Variants in MESD observed in about 807,000 individuals in gnomAD.
MESD encodes LRP chaperone MESD.
In MESD, 7 loss-of-function variants were observed where a neutral mutation model predicts 12.9. The observed-to-expected ratio is 0.54, with a 90% CI of 0.31 to 1.02. The LOEUF (loss-of-function observed/expected upper bound fraction) is 1.02, where lower values mean the gene tolerates loss of function less well. MESD is among the 50% of genes least tolerant of loss of function. MESD has a pLI of 0.05. For synonymous variants in MESD, 126 were observed against 115.6 expected (o/e 1.09, Z -0.58); for missense variants, 342 against 296.7 (o/e 1.15, Z -1.12).
chr15:80,974,095 G>C (rs1902352594), downstream of MESD, among the ~76,000 whole-genome samples: 1 of 152,112 alleles, frequency 6.6e-6, no homozygotes, highest in African/African-American at 2.4e-5. Context: ...CCCTAGTCTA[G>C]GACACTCAGG....
At chr15:80,952,477 A>G (rs1045042638) in intron 3 of MESD, among the ~76,000 whole-genome samples, 4 of 152,342 alleles carry the variant, frequency 2.6e-5, no homozygotes, top group Non-Finnish European at 5.9e-5. Flanking sequence ...CAAGTGCTCA[A>G]TGGCTATGTG....
chr15:80,972,932 G>A (rs1482908782), downstream of MESD, among the ~76,000 whole-genome samples: 1 of 152,172 alleles, frequency 6.6e-6, no homozygotes, highest in African/African-American at 2.4e-5. Context: ...TGAGGCAGGA[G>A]AATCACTTGA....
chr15:80,978,108 A>C lies in MESD; in HGVS notation c.*1111T>G, dbSNP rs931804730. 6.6e-6 allele frequency: 1 copy of C among 152,216 alleles called. No individual in the cohort carries two copies. The highest frequency in any genetic ancestry group is 1.5e-5 in the Non-Finnish European group (1 of 68,046). 9.4% of individuals were successfully genotyped at this position (152,216 alleles called of 1,614,324 possible). A position where few individuals can be genotyped will look rare whatever the true frequency, so the allele number is the denominator to read the frequency against. On this transcript the variant is annotated 3_prime_UTR_variant, in exon 3 of 3. Coordinates refer to ENST00000261758, the MANE Select transcript of MESD (RefSeq NM_015154.3). ...GGGGATGTGGGGGCACAAATTGTTA[A>C]CAGCAGCTTCCACTGGGACAAGCTA...
intron 3 of MESD, among the ~76,000 whole-genome samples, chr15:80,958,309 T>C (rs144743963): frequency 8.0e-4 from 122 of 152,162 alleles, no homozygotes; most frequent in African/African-American, 2.7e-3. Flanking sequence ...AAAAGATTGG[T>C]CCCAGGCATT....
intron 3 of MESD, among the ~76,000 whole-genome samples, chr15:80,961,732 G>T (rs780636404): frequency 6.6e-6 from 1 of 152,112 alleles, no homozygotes; most frequent in South Asian, 2.1e-4. Flanking sequence ...GTCAGATATT[G>T]GCTAAATATA....
At chr15:80,984,656 C>T (rs548685124) in intron 1 of MESD, among the ~76,000 whole-genome samples, 2 of 152,138 alleles carry the variant, frequency 1.3e-5, no homozygotes, top group African/African-American at 4.8e-5. Flanking sequence ...TAAAAATGTT[C>T]TAAAATTGAG....
chr15:80,982,212 T>A, intron 1 of MESD, 30 bp from the exon 2 acceptor site: 4 of 1,584,826 alleles, frequency 2.5e-6, no homozygotes, highest in Non-Finnish European at 3.5e-6. Context: ...GCATCAAACC[T>A]ATCATCAGAA....
intron 1 of MESD, among the ~76,000 whole-genome samples, chr15:80,987,906 C>T (rs1902777639): frequency 6.6e-6 from 1 of 152,158 alleles, no homozygotes; most frequent in Non-Finnish European, 1.5e-5. Flanking sequence ...GGGAGGACTG[C>T]AAAGGCCAAG....
chr15:80,988,128 A>AGT (rs1902784015), intron 1 of MESD, among the ~76,000 whole-genome samples: 1 of 152,204 alleles, frequency 6.6e-6, no homozygotes, highest in African/African-American at 2.4e-5. Flanking sequence ...TACAGGTAAA[A>AGT]CAGTTCAAAG....
At chr15:80,955,616 C>CGT (rs536028552) in intron 3 of MESD, among the ~76,000 whole-genome samples, 20,934 of 144,828 alleles carry the variant, frequency 0.14, 1,521 homozygotes, top group African/African-American at 0.2. Flanking sequence ...TGTGTTTGTG[C>CGT]GTGTGTGTGT....
chr15:80,967,729 G>C (rs574393172), intron 3 of MESD, among the ~76,000 whole-genome samples: 7 of 152,342 alleles, frequency 4.6e-5, no homozygotes, highest in African/African-American at 1.7e-4. Flanking sequence ...TTGGCTGAGA[G>C]CTGCCAAGTC....
downstream of MESD, among the ~76,000 whole-genome samples, chr15:80,975,555 A>G (rs747059224): frequency 1.3e-5 from 2 of 152,150 alleles, no homozygotes; most frequent in Non-Finnish European, 2.9e-5. Flanking sequence ...AATCAGGGAC[A>G]CAGGAAAAAG....
rs36008211 is a variant in MESD, at chr15:80,957,599, A to AACACACAC, written c.*289-5311_*289-5304dup. 6.7e-3 allele frequency among the ~76,000 whole-genome samples: 992 copies of AACACACAC among 148,884 alleles called. 13 individuals carry two copies. The highest frequency in any genetic ancestry group is 0.023 in the African/African-American group (948 of 40,718). On this transcript the variant is annotated intron_variant, in intron 3 of 4. Coordinates refer to the MESD transcript ENST00000561312. ...ACTTGGCAATCCCCATCCACTGCAA[A>AACACACAC]ACACACACACACACACACACACACG... is the stretch of plus-strand genomic sequence containing the variant.
intron 1 of MESD, among the ~76,000 whole-genome samples, chr15:80,987,736 G>A (rs1902772984): frequency 6.6e-6 from 1 of 152,108 alleles, no homozygotes; most frequent in Non-Finnish European, 1.5e-5. Context: ...TGATGCACCC[G>A]CCTTTGCCTC....
chr15:80,981,763 G>A (rs544521361), intron 2 of MESD, among the ~76,000 whole-genome samples, 187 bp downstream of exon 2: 6 of 152,236 alleles, frequency 3.9e-5, no homozygotes, highest in South Asian at 2.1e-4. Flanking sequence ...GCTGAGGCAG[G>A]AGAATCGCTT....
chr15:80,988,035 A>T (rs1466646771), intron 1 of MESD, among the ~76,000 whole-genome samples: 1 of 152,134 alleles, frequency 6.6e-6, no homozygotes, highest in African/African-American at 2.4e-5. Flanking sequence ...TCTCCCTTCT[A>T]CTCTGCTCCT....
intron 2 of MESD, 103 bp from the exon 3 acceptor site, chr15:80,979,580 G>A (rs1159448577): frequency 1.5e-6 from 2 of 1,356,622 alleles, no homozygotes; most frequent in African/African-American, 1.5e-5. Context: ...AATTCTACAT[G>A]AATATGGAAT....
exon 5 of MESD, chr15:80,948,614 T>A: frequency 1.3e-6 from 1 of 798,904 alleles, no homozygotes; most frequent in Non-Finnish European, 2.1e-6. Context: ...GCCTGCCCCA[T>A]ACAAACACAT....
chr15:80,979,500 G>C, intron 2 of MESD, 23 bp from the exon 3 acceptor site: 1 of 1,610,150 alleles, frequency 6.2e-7, no homozygotes, highest in Non-Finnish European at 8.5e-7. Context: ...GATGCAATCA[G>C]TCAGCCAGCA....
Sources: gnomAD v4.1 joint callset for allele counts (sites outside exome capture counted in the v4.1 genomes callset) on GRCh38, gnomAD v4.1.1 for gene constraint, MANE v1.5 for transcripts, NCBI Gene and HGNC (gene_info 2026-07-23, HGNC 2026-07-21) for gene names.